The following CNTLN variants were observed in gnomAD, a reference collection of about 807,000 sequenced individuals.
The protein encoded by CNTLN is centlein, also known as centlein, centrosomal protein.
Under a neutral mutation model 180.0 loss-of-function variants are expected in CNTLN, and 212 were observed. The observed-to-expected ratio is 1.18, with a 90% CI of 1.05 to 1.32. The LOEUF is 1.32. CNTLN is among the 40% of genes most tolerant of loss of function. CNTLN has a pLI of 0.00. For missense variants in CNTLN, 2,095 were observed against 1,610.9 expected, an observed-to-expected ratio of 1.30 and a Z score of -5.14; for synonymous variants, 722 against 563.1, an observed-to-expected ratio of 1.28 and a Z score of -3.99.
chr9:17,496,346 A>G (rs1588115986), intron 25 of CNTLN, among the ~76,000 whole-genome samples: 1 of 152,208 alleles, frequency 6.6e-6, no homozygotes, highest in African/African-American at 2.4e-5. Context: ...AAGATCAGGC[A>G]TTAGCCATAG....
intron 23 of CNTLN, among the ~76,000 whole-genome samples, chr9:17,470,001 A>G (rs1831969203): frequency 6.6e-6 from 1 of 151,948 alleles, no homozygotes; most frequent in South Asian, 2.1e-4. Flanking sequence ...AATATCAACT[A>G]TTATTATCAG....
At chr9:17,479,773 C>G (rs12235585) in intron 23 of CNTLN, among the ~76,000 whole-genome samples, 2 of 152,162 alleles carry the variant, frequency 1.3e-5, no homozygotes, top group South Asian at 4.1e-4. Flanking sequence ...AATAACATGA[C>G]TGGTATAAAT....
chr9:17,252,084 G>T (rs796519324), intron 5 of CNTLN, among the ~76,000 whole-genome samples: 6 of 151,844 alleles, frequency 4.0e-5, no homozygotes, highest in African/African-American at 1.4e-4. Flanking sequence ...TTATGTCTAA[G>T]TAGTATTCCA....
At chr9:17,472,772 G>A (rs1832101729) in intron 23 of CNTLN, among the ~76,000 whole-genome samples, 1 of 152,128 alleles carries the variant, frequency 6.6e-6, no homozygotes, top group Non-Finnish European at 1.5e-5. Flanking sequence ...CCTTGGCCTT[G>A]TCATTACGCA....
At chr9:17,214,061 A>T (rs200094087) in intron 2 of CNTLN, among the ~76,000 whole-genome samples, 3 of 151,978 alleles carry the variant, frequency 2.0e-5, no homozygotes, top group African/African-American at 7.2e-5. Context: ...TACATTTAAG[A>T]TTAATATTGT....
chr9:17,514,991 T>C, the CNTLN span, among the ~76,000 whole-genome samples: 1 of 152,228 alleles, frequency 6.6e-6, no homozygotes, highest in Non-Finnish European at 1.5e-5. Flanking sequence ...ACCACAGGGC[T>C]ACCATGTAGC....
intron 13 of CNTLN, among the ~76,000 whole-genome samples, chr9:17,370,524 T>C (rs1048853447): frequency 6.6e-6 from 1 of 152,156 alleles, no homozygotes; most frequent in African/African-American, 2.4e-5. Flanking sequence ...GCTGGAGATT[T>C]CATCAACACC....
chr9:17,242,942 T>C (rs1387006630), intron 5 of CNTLN, among the ~76,000 whole-genome samples: 1 of 152,192 alleles, frequency 6.6e-6, no homozygotes, highest in African/African-American at 2.4e-5. Context: ...TTTAAAAGTT[T>C]GGTAGAAATC....
intron 15 of CNTLN, among the ~76,000 whole-genome samples, chr9:17,399,996 G>C (rs957458268): frequency 6.6e-6 from 1 of 152,040 alleles, no homozygotes; most frequent in African/African-American, 2.4e-5. Flanking sequence ...CCTTATGAAG[G>C]CTCCCTTATC....
chr9:17,406,083 C>T (rs1043424635), intron 15 of CNTLN, among the ~76,000 whole-genome samples: 1 of 151,808 alleles, frequency 6.6e-6, no homozygotes, highest in Non-Finnish European at 1.5e-5. Context: ...CCCCACCAAG[C>T]CTATTTCAGC....
intron 8 of CNTLN, 63 bp downstream of exon 8, chr9:17,309,315 T>G: frequency 1.6e-6 from 2 of 1,267,646 alleles, no homozygotes; most frequent in Non-Finnish European, 2.1e-6. Context: ...CTCCTACAAT[T>G]GACTAAAACA....
intron 5 of CNTLN, among the ~76,000 whole-genome samples, chr9:17,268,153 C>T (rs542257959): frequency 6.6e-6 from 1 of 152,160 alleles, no homozygotes; most frequent in South Asian, 2.1e-4. Flanking sequence ...TGTTTTTTCC[C>T]CATCTTTGTG....
intron 15 of CNTLN, among the ~76,000 whole-genome samples, chr9:17,407,124 A>G (rs1218373592): frequency 6.6e-6 from 1 of 152,198 alleles, no homozygotes; most frequent in African/African-American, 2.4e-5. Context: ...TAACTTGTAG[A>G]TTTGATCAAT....
intron 2 of CNTLN, among the ~76,000 whole-genome samples, chr9:17,200,897 C>G (rs1822477243): frequency 6.6e-6 from 1 of 152,086 alleles, no homozygotes; most frequent in African/African-American, 2.4e-5. Context: ...AGAAGGCATC[C>G]TTGTTTTGTG....
At chr9:17,448,088 C>G (rs1830553110) in intron 18 of CNTLN, 1 of 175,604 alleles carries the variant, frequency 5.7e-6, no homozygotes, top group Non-Finnish European at 1.3e-5. Context: ...CCTAGAAGAT[C>G]AGGGAGTTTG....
intron 6 of CNTLN, among the ~76,000 whole-genome samples, chr9:17,284,633 A>G (rs1828867381): frequency 7.0e-6 from 1 of 143,000 alleles, no homozygotes; most frequent in Non-Finnish European, 1.6e-5. Context: ...TGTTGTATCT[A>G]TTTGATTCTT....
At chr9:17,241,960 G>A (rs1393278341) in intron 5 of CNTLN, among the ~76,000 whole-genome samples, 1 of 152,052 alleles carries the variant, frequency 6.6e-6, no homozygotes, top group Non-Finnish European at 1.5e-5. Flanking sequence ...GGACTCTTCA[G>A]GTTTTTCCAA....
intron 18 of CNTLN, among the ~76,000 whole-genome samples, chr9:17,432,828 T>G (rs986534075): frequency 7.2e-5 from 11 of 152,036 alleles, no homozygotes; most frequent in African/African-American, 2.7e-4. Context: ...GAGACCAGCC[T>G]GACCAACATA....
At chr9:17,273,922 A>G (rs1828119123) in intron 6 of CNTLN, 56 bp downstream of exon 6, 6 of 1,313,754 alleles carry the variant, frequency 4.6e-6, no homozygotes, top group Non-Finnish European at 6.3e-6. Context: ...GTTATTCAGA[A>G]TGATACCATT....
Sources: allele counts gnomAD v4.1 joint callset (sites outside exome capture counted in the v4.1 genomes callset), GRCh38; gene constraint gnomAD v4.1.1; transcripts MANE v1.5; gene names NCBI Gene and HGNC (gene_info 2026-07-23, HGNC 2026-07-21).